PLXNA2: variants seen among roughly 807,000 people sequenced by gnomAD.
PLXNA2 encodes plexin-A2.
In PLXNA2, 91 loss-of-function variants were observed where a neutral mutation model predicts 193.5. The observed-to-expected ratio is 0.47, with a 90% confidence interval of 0.40 to 0.56. The LOEUF (loss-of-function observed/expected upper bound fraction) is 0.56. Among genes scored for constraint, PLXNA2 ranks in the 20% least tolerant of loss-of-function variants. The probability of loss-of-function intolerance (pLI) is 0.00; values close to 1 mark genes in which losing one functional copy is unlikely to be tolerated. For missense variants in PLXNA2, 1,995 were observed against 2,503.2 expected, an observed-to-expected ratio of 0.80 and a Z score of 4.33; for synonymous variants, 997 against 1,027.3, an observed-to-expected ratio of 0.97 and a Z score of 0.56.
At position 208,189,396 on chromosome 1, in the gene PLXNA2, C is replaced by T. The variant is rs116155799; in HGVS notation, c.1371+20884G>A. On this transcript the variant is annotated intron_variant, in intron 3 of 31. Coordinates refer to ENST00000367033, the MANE Select transcript of PLXNA2 (RefSeq NM_025179.4). The stretch of plus-strand genomic sequence containing the variant: ...TCAAGGGCCTGGGCTGAGCTATACA[C>T]AGGGCCCCACAGGAGGCCCAGAATA... Among the ~76,000 whole-genome samples, 978 of 152,096 alleles carry T rather than the reference C, an allele frequency of 6.4e-3. 14 individuals carry two copies. Among genetic ancestry groups the T allele is most frequent in the African/African-American group, 0.022 (929 of 41,474 alleles).
Position 208,096,600 on chromosome 1 carries a change from C to T in PLXNA2, c.1885+130G>A, listed in dbSNP as rs575687159. Reference sequence around the variant, plus strand: ...TGGGGCATGACAGTTTGCTTTCAAACGTAAACAAGTTGTCTAAGCCAATAT... The same window carrying T: ...TGGGGCATGACAGTTTGCTTTCAAATGTAAACAAGTTGTCTAAGCCAATAT... On this transcript the variant is annotated intron_variant, in intron 7 of 31. Coordinates refer to ENST00000367033, the MANE Select transcript of PLXNA2 (RefSeq NM_025179.4). 2.1e-3 allele frequency: 2,295 copies of T among 1,100,306 alleles called. 6 individuals carry two copies. The Middle Eastern group carries it at 0.027, about 13-fold the overall frequency. The allele number at this position is 1,100,306 out of a possible 1,614,324, so 68.2% of individuals were successfully genotyped here.
rs990632642 is a variant in PLXNA2 at position 208,028,188 on chromosome 1, G to C, written c.5439-29C>G. 1 of 1,577,758 alleles carries C rather than the reference G, an allele frequency of 6.3e-7. No homozygotes were observed. Among genetic ancestry groups the C allele is most frequent in the Non-Finnish European group, 8.6e-7 (1 of 1,160,116 alleles). On this transcript the variant is annotated intron_variant, in intron 30 of 31. Transcript: ENST00000367033. The surrounding 1 kb of genome is among the most constrained non-coding windows in gnomAD (Gnocchi z 4.2). ...CCAGAGACAGGATAGGCGCCTTGGT[G>C]GAGGCCTCAGCAAACATTTACCTAT...
chr1:208,192,786 C>T (rs1247196829), intron 3 of PLXNA2, among the ~76,000 whole-genome samples: 2 of 151,714 alleles, frequency 1.3e-5, no homozygotes, highest in African/African-American at 4.8e-5. Context: ...ACTTAGGAGG[C>T]TGAAGCAGGA....
chr1:208,164,837 C>T (rs912258206), intron 3 of PLXNA2, among the ~76,000 whole-genome samples: 6 of 152,296 alleles, frequency 3.9e-5, no homozygotes, highest in Middle Eastern at 3.4e-3. Flanking sequence ...GCGGCACTAA[C>T]GGATTCTCTT....
At chr1:208,100,086 A>G (rs934590722) in intron 5 of PLXNA2, among the ~76,000 whole-genome samples, 2 of 152,068 alleles carry the variant, frequency 1.3e-5, no homozygotes, top group African/African-American at 4.8e-5. Context: ...AAAAAAAATA[A>G]GGATTGGCCA....
chr1:208,099,449 G>A (rs1339837823), intron 5 of PLXNA2, among the ~76,000 whole-genome samples: 1 of 152,190 alleles, frequency 6.6e-6, no homozygotes, highest in African/African-American at 2.4e-5. Flanking sequence ...AAGTTACAAA[G>A]TCATTTACAG....
chr1:208,066,567 A>G (rs1369839231), intron 12 of PLXNA2, among the ~76,000 whole-genome samples: 3 of 152,236 alleles, frequency 2.0e-5, no homozygotes, highest in Non-Finnish European at 1.5e-5. Flanking sequence ...TATGTACAGC[A>G]CATAATACTT....
chr1:208,152,672 C>A (rs1039234832), intron 3 of PLXNA2, among the ~76,000 whole-genome samples: 2 of 117,136 alleles, frequency 1.7e-5, no homozygotes, highest in African/African-American at 5.9e-5. Context: ...TACACATACA[C>A]ACACACACAC....
intron 1 of PLXNA2, among the ~76,000 whole-genome samples, chr1:208,239,088 G>A (rs535640009): frequency 6.6e-6 from 1 of 151,912 alleles, no homozygotes; most frequent in African/African-American, 2.4e-5. Context: ...CCTACCAGTT[G>A]TAGTCTCTGG....
At chr1:208,033,224 T>C in intron 28 of PLXNA2, 95 bp downstream of exon 28, 1 of 1,211,898 alleles carries the variant, frequency 8.3e-7, no homozygotes, top group Non-Finnish European at 1.2e-6. Context: ...TGGGTCCTCT[T>C]GAAGGACACA....
chr1:208,095,131 AATGTC>A (rs1666839627), intron 8 of PLXNA2, among the ~76,000 whole-genome samples: 2 of 152,108 alleles, frequency 1.3e-5, no homozygotes, highest in Non-Finnish European at 2.9e-5. Flanking sequence ...CCCCTTGCTG[AATGTC>A]TAGGGTTTTT....
At chr1:208,151,393 A>G (rs184772267) in intron 3 of PLXNA2, among the ~76,000 whole-genome samples, 86 of 152,158 alleles carry the variant, frequency 5.7e-4, no homozygotes, top group Non-Finnish European at 2.5e-4. Context: ...TTTGAACTGG[A>G]ATGATTTAGA....
chr1:208,092,528 A>G (rs1271622375), intron 9 of PLXNA2, among the ~76,000 whole-genome samples: 1 of 152,124 alleles, frequency 6.6e-6, no homozygotes, highest in Non-Finnish European at 1.5e-5. Flanking sequence ...TTCAGTCTCA[A>G]CCCCCAGTTA....
chr1:208,028,850 G>T lies in PLXNA2; in HGVS notation c.5418C>A (p.Ser1806Arg). ...CTGACCTCTCCACCCAGCTCTTGTA[G>T]CTGGGGATGTCCTTGGCATAGAGCA... is the stretch of plus-strand genomic sequence containing the variant. ...NKLLYAKDIP[S>R]YKSWVERYYA... The change falls in exon 30 of 32, where the codon AGC becomes AGA. Residue 1806 changes from serine (S) to arginine (R), a missense_variant. This residue lies in a region of PLXNA2 where 1,291 missense variants were observed against 1,673.6 expected (regional missense o/e 0.77). Transcript: ENST00000367033. The surrounding 1 kb of genome is among the most constrained non-coding windows in gnomAD (Gnocchi z 4.2). 1.2e-6 allele frequency: 2 copies of T among 1,614,072 alleles called. No homozygotes were observed. The highest frequency in any genetic ancestry group is 1.7e-6 in the Non-Finnish European group (2 of 1,180,004).
chr1:208,208,675 C>T (rs541349365), intron 3 of PLXNA2, among the ~76,000 whole-genome samples: 1 of 152,292 alleles, frequency 6.6e-6, no homozygotes, highest in South Asian at 2.1e-4. Flanking sequence ...TCACGCTAGC[C>T]TGTGTGGTTT....
At chr1:208,032,882 GGA>G (rs1558155117) in intron 28 of PLXNA2, among the ~76,000 whole-genome samples, 1 of 152,166 alleles carries the variant, frequency 6.6e-6, no homozygotes, top group Non-Finnish European at 1.5e-5. Flanking sequence ...GGGTCCAGAG[GGA>G]GAGAGTTACT....
chr1:208,212,778 C>G (rs1317014938), intron 2 of PLXNA2, among the ~76,000 whole-genome samples: 2 of 152,286 alleles, frequency 1.3e-5, no homozygotes, highest in Middle Eastern at 6.8e-3. Context: ...ACACTTTTTA[C>G]ATTGTGTGCT....
intron 3 of PLXNA2, among the ~76,000 whole-genome samples, chr1:208,152,529 A>T (rs890525987): frequency 6.6e-6 from 1 of 152,196 alleles, no homozygotes; most frequent in African/African-American, 2.4e-5. Flanking sequence ...CCTTTTCTGT[A>T]TGCAAAATCC....
At position 208,057,808 on chromosome 1, in the gene PLXNA2, A is replaced by G. The variant is rs945431441; in HGVS notation, c.2738+2878T>C. ...CCTCCTGGTGGCAGGGGGCTTCCGG[A>G]GGCACCTTAGTGCCACAGATAATCT... On this transcript the variant is annotated intron_variant, in intron 13 of 31. Coordinates refer to ENST00000367033, the MANE Select transcript of PLXNA2 (RefSeq NM_025179.4). Among the ~76,000 whole-genome samples the G allele has an allele frequency of 5.9e-5, 9 of 152,344 alleles. 1 individual carries two copies. The highest frequency in any genetic ancestry group is 2.2e-4 in the African/African-American group (9 of 41,578).
Sources: allele counts gnomAD v4.1 joint callset (sites outside exome capture counted in the v4.1 genomes callset), GRCh38; gene constraint gnomAD v4.1.1; regional missense constraint gnomAD v4.1.1; non-coding constraint Gnocchi (gnomAD v3.1); transcripts MANE v1.5; gene names NCBI Gene and HGNC (gene_info 2026-07-23, HGNC 2026-07-21).